The following SLC24A3 variants were observed in gnomAD, a reference collection of about 807,000 sequenced individuals.
SLC24A3 encodes the protein sodium/potassium/calcium exchanger 3.
SLC24A3 carries 28 observed loss-of-function variants against 75.8 expected under a neutral mutation model. That is an observed-to-expected ratio of 0.37 (90% confidence interval 0.27 to 0.51). The LOEUF (loss-of-function observed/expected upper bound fraction) is 0.51. SLC24A3 is among the 20% of genes least tolerant of loss of function. SLC24A3 has a pLI of 0.94. For missense variants in SLC24A3, 663 were observed against 847.8 expected (o/e 0.78, Z 2.71); for synonymous variants, 372 against 334.1 (o/e 1.11, Z -1.24).
At chr20:19,669,317 C>G (rs2032437405) in intron 8 of SLC24A3, among the ~76,000 whole-genome samples, 1 of 152,088 alleles carries the variant, frequency 6.6e-6, no homozygotes, top group African/African-American at 2.4e-5. Context: ...GCCTGGCCAA[C>G]ATGGTGAAAA....
chr20:19,246,154 G>GTCAATATATATATTCA (rs1275542384), intron 1 of SLC24A3, among the ~76,000 whole-genome samples: 1 of 152,100 alleles, frequency 6.6e-6, no homozygotes, highest in Non-Finnish European at 1.5e-5. Context: ...ACTACAGAGA[G>GTCAATATATATATTCA]ACATATATAG....
At chr20:19,466,447 G>T (rs2122501383) in intron 2 of SLC24A3, among the ~76,000 whole-genome samples, 1 of 152,330 alleles carries the variant, frequency 6.6e-6, no homozygotes, top group Non-Finnish European at 1.5e-5. Context: ...TGGCTCGTGG[G>T]TGTTCCATAT....
intron 2 of SLC24A3, among the ~76,000 whole-genome samples, chr20:19,298,202 A>C (rs1984105413): frequency 6.6e-6 from 1 of 152,256 alleles, no homozygotes; most frequent in Admixed American, 6.5e-5. Flanking sequence ...GAATAGATGT[A>C]GGGATACAAG....
intron 2 of SLC24A3, among the ~76,000 whole-genome samples, chr20:19,367,507 C>T (rs1250876376): frequency 6.6e-6 from 1 of 151,338 alleles, no homozygotes; most frequent in Non-Finnish European, 1.5e-5. Context: ...TTTTTAAACC[C>T]TGCTTAGGTA....
At chr20:19,393,267 C>T (rs1243498663) in intron 2 of SLC24A3, among the ~76,000 whole-genome samples, 8 of 152,076 alleles carry the variant, frequency 5.3e-5, no homozygotes, top group Admixed American at 3.3e-4. Flanking sequence ...TCAGGGTACT[C>T]GAGGGTATGA....
intron 7 of SLC24A3, among the ~76,000 whole-genome samples, chr20:19,654,764 C>T (rs185219379): frequency 6.6e-6 from 1 of 150,558 alleles, no homozygotes; most frequent in African/African-American, 2.4e-5. Flanking sequence ...TCTCCTGCCT[C>T]AGCCTGCCAA....
intron 6 of SLC24A3, among the ~76,000 whole-genome samples, chr20:19,597,956 C>A (rs1017913615): frequency 6.6e-6 from 1 of 152,170 alleles, no homozygotes; most frequent in African/African-American, 2.4e-5. Context: ...TGCCACATTT[C>A]ACCCACTCAT....
chr20:19,569,123 T>G (rs1019901127), intron 3 of SLC24A3, among the ~76,000 whole-genome samples: 3 of 152,146 alleles, frequency 2.0e-5, no homozygotes, highest in Non-Finnish European at 4.4e-5. Flanking sequence ...TCCAGCGTAA[T>G]GGGCCTGCCC....
intron 15 of SLC24A3, among the ~76,000 whole-genome samples, chr20:19,713,331 T>C (rs1315351097): frequency 6.6e-6 from 1 of 152,212 alleles, no homozygotes; most frequent in Non-Finnish European, 1.5e-5. Flanking sequence ...TTAAAAACAC[T>C]ACATAGACTC....
chr20:19,490,918 G>A (rs1988200287), intron 2 of SLC24A3, among the ~76,000 whole-genome samples: 1 of 152,188 alleles, frequency 6.6e-6, no homozygotes, highest in South Asian at 2.1e-4. Flanking sequence ...CTCCCTCATG[G>A]CAATCTGTGC....
intron 2 of SLC24A3, among the ~76,000 whole-genome samples, chr20:19,325,797 G>T (rs185942126): frequency 0.25 from 9,325 of 37,946 alleles, 498 homozygotes; most frequent in Non-Finnish European, 0.29. Context: ...TATATATATA[G>T]AGAGAGAGAG....
chr20:19,409,803 G>A (rs1986712080), intron 2 of SLC24A3, among the ~76,000 whole-genome samples: 1 of 151,300 alleles, frequency 6.6e-6, no homozygotes, highest in African/African-American at 2.4e-5. Context: ...ATATAACTGT[G>A]CTATTATGTA....
chr20:19,550,032 A>T (rs1389848784), intron 3 of SLC24A3, among the ~76,000 whole-genome samples: 1 of 152,180 alleles, frequency 6.6e-6, no homozygotes, highest in Non-Finnish European at 1.5e-5. Context: ...TATTTAAAGG[A>T]TCTTATGTTG....
intron 2 of SLC24A3, among the ~76,000 whole-genome samples, chr20:19,422,969 C>T (rs1986942572): frequency 6.6e-6 from 1 of 152,184 alleles, no homozygotes; most frequent in Non-Finnish European, 1.5e-5. Context: ...TCAGTGTCAC[C>T]TCCTGGCCAT....
At chr20:19,705,322 T>C (rs1235162855) in intron 15 of SLC24A3, among the ~76,000 whole-genome samples, 1 of 152,150 alleles carries the variant, frequency 6.6e-6, no homozygotes, top group Non-Finnish European at 1.5e-5. Flanking sequence ...GGATCCTTTG[T>C]TCAGTCCCTG....
intron 6 of SLC24A3, among the ~76,000 whole-genome samples, chr20:19,619,503 G>C (rs923687691): frequency 6.6e-6 from 1 of 152,192 alleles, no homozygotes; most frequent in Admixed American, 6.5e-5. Flanking sequence ...CTTTCCCGTG[G>C]ATCCATAGGA....
chr20:19,464,578 T>A (rs1987733539), intron 2 of SLC24A3, among the ~76,000 whole-genome samples: 1 of 152,258 alleles, frequency 6.6e-6, no homozygotes, highest in African/African-American at 2.4e-5. Context: ...ACTCATTTGC[T>A]GTCAGTGATT....
intron 2 of SLC24A3, among the ~76,000 whole-genome samples, chr20:19,307,743 C>G (rs536884733): frequency 6.6e-6 from 1 of 152,058 alleles, no homozygotes; most frequent in East Asian, 1.9e-4. Flanking sequence ...ATGTTCAGCA[C>G]GTGTATCCCA....
intron 12 of SLC24A3, among the ~76,000 whole-genome samples, chr20:19,685,937 C>A (rs2122743718): frequency 1.3e-5 from 2 of 152,294 alleles, no homozygotes; most frequent in South Asian, 4.1e-4. Flanking sequence ...AGTTTCAGTT[C>A]CTTGATGCCA....
Sources: allele counts gnomAD v4.1 joint callset (sites outside exome capture counted in the v4.1 genomes callset), GRCh38; gene constraint gnomAD v4.1.1; transcripts MANE v1.5; gene names NCBI Gene and HGNC (gene_info 2026-07-23, HGNC 2026-07-21).